The following KCNQ1 variants were observed in gnomAD, a reference collection of about 807,000 sequenced individuals.
KCNQ1 encodes potassium voltage-gated channel subfamily Q member 1, also known as potassium voltage-gated channel subfamily KQT member 1.
Under a neutral mutation model 72.4 loss-of-function variants are expected in KCNQ1, and 49 were observed. The observed-to-expected ratio is 0.68, with a 90% CI of 0.54 to 0.86. The LOEUF is 0.86. Ranked by LOEUF, KCNQ1 falls within the 40% of genes least tolerant of loss-of-function variation. KCNQ1 has a pLI of 0.00. For missense variants in KCNQ1, 790 were observed against 945.1 expected (o/e 0.84, Z 2.15); for synonymous variants, 450 against 412.6 (o/e 1.09, Z -1.10).
In KCNQ1 at chr11:2,623,560, A is replaced by G. The variant is rs1028198476; in HGVS notation, c.1393+34706A>G. 9 of 398,548 alleles carry G rather than the reference A, an allele frequency of 2.3e-5. No homozygotes were observed. The East Asian group carries it at 2.9e-4, about 13-fold the overall frequency. The allele number at this position is 398,548 out of a possible 1,614,324, so 24.7% of individuals were successfully genotyped here. A position where few individuals can be genotyped will look rare whatever the true frequency, so the allele number is the denominator to read the frequency against. On this transcript the variant is annotated intron_variant, in intron 10 of 15. Transcript: ENST00000155840. The surrounding 1 kb of genome is among the most constrained non-coding windows in gnomAD (Gnocchi z 5.2). ...AGATTGCCTTATTTCACATAGTAAT[A>G]TGTTTTTTAATTACCTCCATATCTT... is the stretch of plus-strand genomic sequence containing the variant.
At chr11:2,587,817 C>G in intron 9 of KCNQ1, 125 bp downstream of exon 9, 1 of 1,367,278 alleles carries the variant, frequency 7.3e-7, no homozygotes. Flanking sequence ...GTCAGGGAGT[C>G]AGCATCGTTC....
chr11:2,666,482 T>C (rs1850070134), intron 11 of KCNQ1: 4 of 398,580 alleles, frequency 1.0e-5, no homozygotes. Context: ...CGCCAAGACA[T>C]TCGAGTTGCT....
rs886048174 is a variant in KCNQ1, at chr11:2,848,655, G to A, written c.*652G>A. 2.7e-5 allele frequency: 12 copies of A among 451,288 alleles called. No individual in the cohort carries two copies. The highest frequency in any genetic ancestry group is 7.1e-5 in the Admixed American group (3 of 42,514). The allele number at this position is 451,288 out of a possible 1,614,324, so 28.0% of individuals were successfully genotyped here. ...GGGCACGTGGTTGAGTGGGGGGAAC[G>A]CCCACTTCCCTGGGTTAGACTGCCA... On this transcript the variant is annotated 3_prime_UTR_variant, in exon 16 of 16. Transcript: ENST00000155840.
chr11:2,625,603 G>A, intron 10 of KCNQ1: 1 of 384,832 alleles, frequency 2.6e-6, no homozygotes, highest in Non-Finnish European at 4.5e-6. Flanking sequence ...TTGAGATGGA[G>A]TCTCACTCTG....
rs958722221 is a variant in KCNQ1, at chr11:2,745,819, A to G, written c.1515-23025A>G. On this transcript the variant is annotated intron_variant, in intron 11 of 15. Coordinates refer to ENST00000155840, the MANE Select transcript of KCNQ1 (RefSeq NM_000218.3). This position sits in a 1 kb window ranked among gnomAD's most constrained non-coding sequence, Gnocchi z 6.2. ...GCCTGAGCCCGGGGCCAGGACCAGG[A>G]GCAGGCGGCAGCAGCAAGGCAGCTC... 1.4e-4 allele frequency among the ~76,000 whole-genome samples: 21 copies of G among 152,348 alleles called. No homozygotes were observed. The highest frequency in any genetic ancestry group is 5.1e-4 in the African/African-American group (21 of 41,580).
At chr11:2,460,778 G>A (rs1174280701) in intron 1 of KCNQ1, among the ~76,000 whole-genome samples, 1 of 152,244 alleles carries the variant, frequency 6.6e-6, no homozygotes, top group Admixed American at 6.5e-5. Flanking sequence ...TGGTAGGTGT[G>A]TCTCCACAGT....
In KCNQ1 at chr11:2,747,265, A is replaced by G. The variant is rs140643643; in HGVS notation, c.1515-21579A>G. On this transcript the variant is annotated intron_variant, in intron 11 of 15. Coordinates refer to ENST00000155840, the MANE Select transcript of KCNQ1 (RefSeq NM_000218.3). The stretch of plus-strand genomic sequence containing the variant: ...AAGCCCCAATTTATTAGTCTTCTCC[A>G]ATGGGGACTGTGCAAAGGACATTAA... Among the ~76,000 whole-genome samples, 785 of 152,392 alleles carry G rather than the reference A, an allele frequency of 5.2e-3. 5 individuals are homozygous for G. Among genetic ancestry groups the G allele is most frequent in the African/African-American group, 0.018 (752 of 41,596 alleles).
At chr11:2,540,068 A>C (rs1847799282) in intron 2 of KCNQ1, among the ~76,000 whole-genome samples, 1 of 152,004 alleles carries the variant, frequency 6.6e-6, no homozygotes, top group South Asian at 2.1e-4. Context: ...CTGCTAGGGA[A>C]GTCATTGGGG....
rs189157939 is a variant in KCNQ1, at chr11:2,627,465, C to T, written c.1394-34496C>T. The T allele has an allele frequency of 4.0e-5, 16 of 398,494 alleles. No individual in the cohort carries two copies. The East Asian group carries it at 5.3e-4, about 13-fold the overall frequency. 24.7% of individuals were successfully genotyped at this position (398,494 alleles called of 1,614,324 possible). A position where few individuals can be genotyped will look rare whatever the true frequency, so the allele number is the denominator to read the frequency against. ...TCAACATTTCCTATTTCCCCTACTC[C>T]CTGACCCCTAGTAACCACCCTTCTA... is the stretch of plus-strand genomic sequence containing the variant. On this transcript the variant is annotated intron_variant, in intron 10 of 15. Transcript: ENST00000155840. The surrounding 1 kb of genome is among the most constrained non-coding windows in gnomAD (Gnocchi z 4.9).
chr11:2,650,815 T>C (rs978311746), intron 10 of KCNQ1: 1 of 398,538 alleles, frequency 2.5e-6, no homozygotes, highest in Non-Finnish European at 4.4e-6. Context: ...CATGTGGTTT[T>C]ATTTGCACTT....
intron 2 of KCNQ1, among the ~76,000 whole-genome samples, chr11:2,539,106 G>A (rs1847781760): frequency 6.6e-6 from 1 of 152,170 alleles, no homozygotes; most frequent in African/African-American, 2.4e-5. Context: ...ATGAGTGGAT[G>A]ATGTCCCGTC....
chr11:2,833,534 C>A (rs1242878429), intron 15 of KCNQ1, among the ~76,000 whole-genome samples: 1 of 152,230 alleles, frequency 6.6e-6, no homozygotes, highest in African/African-American at 2.4e-5. Context: ...GGGCAGGGGT[C>A]CCCGAGCATC....
intron 11 of KCNQ1, among the ~76,000 whole-genome samples, chr11:2,760,027 G>A (rs566774654): frequency 2.4e-4 from 36 of 152,332 alleles, no homozygotes; most frequent in African/African-American, 7.0e-4. Flanking sequence ...AGCCCAGTCC[G>A]GGAAACTTCC....
chr11:2,537,742 A>T lies in KCNQ1; in HGVS notation c.477+9724A>T, dbSNP rs1042396775. Among the ~76,000 whole-genome samples the T allele has an allele frequency of 6.6e-6, 1 of 150,376 alleles. No homozygotes were observed. The highest frequency in any genetic ancestry group is 2.5e-5 in the African/African-American group (1 of 39,988). On this transcript the variant is annotated intron_variant, in intron 2 of 15. Transcript: ENST00000155840. The surrounding 1 kb of genome is among the most constrained non-coding windows in gnomAD (Gnocchi z 5.2). The stretch of plus-strand genomic sequence containing the variant: ...TTATTTTTATTTTTTTGAGAGAGAG[A>T]GGGTCTTGCTGTGTTGCCCAGGTTG...
In KCNQ1 at chr11:2,659,948, C is replaced by T. The variant is rs1450569593; in HGVS notation, c.1394-2013C>T. Reference sequence around the variant, plus strand: ...ATATATTCTGAGTGCAAGTCCTTGACCTGATAGGTGATATGCAAATATTCT... The same window carrying T: ...ATATATTCTGAGTGCAAGTCCTTGATCTGATAGGTGATATGCAAATATTCT... On this transcript the variant is annotated intron_variant, in intron 10 of 15. Transcript: ENST00000155840. This position sits in a 1 kb window ranked among gnomAD's most constrained non-coding sequence, Gnocchi z 4.3. 2.5e-6 allele frequency: 1 copy of T among 398,276 alleles called. No homozygotes were observed. The highest frequency in any genetic ancestry group is 2.1e-5 in the African/African-American group (1 of 48,596). The allele number at this position is 398,276 out of a possible 1,614,324, so 24.7% of individuals were successfully genotyped here.
At chr11:2,569,865 G>A (rs547037237) in intron 2 of KCNQ1, among the ~76,000 whole-genome samples, 1 of 152,208 alleles carries the variant, frequency 6.6e-6, no homozygotes, top group Non-Finnish European at 1.5e-5. Context: ...TGTGCCTAGG[G>A]GGTGGGATCC....
At position 2,722,499 on chromosome 11, in the gene KCNQ1, C is replaced by G. The variant is rs563010940; in HGVS notation, c.1515-46345C>G. Among the ~76,000 whole-genome samples the G allele has an allele frequency of 4.6e-5, 7 of 152,134 alleles. 1 individual carries two copies. Among genetic ancestry groups the G allele is most frequent in the African/African-American group, 1.7e-4 (7 of 41,508 alleles). On this transcript the variant is annotated intron_variant, in intron 11 of 15. Transcript: ENST00000155840. ...CGGGAAGGTGGAGGCTTGGTCACCC[C>G]CAGGAGGAGCTTTTTCTAAGGAAGG...
At chr11:2,496,466 A>T (rs930574588) in intron 1 of KCNQ1, among the ~76,000 whole-genome samples, 7 of 141,106 alleles carry the variant, frequency 5.0e-5, no homozygotes, top group South Asian at 2.3e-4. Context: ...AAATAAAATT[A>T]AAAAAAATGG....
In KCNQ1 at chr11:2,664,531, C is replaced by T. The variant is rs534577047; in HGVS notation, c.1514+2450C>T. Reference sequence around the variant, plus strand: ...CACCCTGTTTCCTCAGGGCCCAAACCGCCTGGCGGCAGGGGTGTGGGGGCC... The same window carrying T: ...CACCCTGTTTCCTCAGGGCCCAAACTGCCTGGCGGCAGGGGTGTGGGGGCC... On this transcript the variant is annotated intron_variant, in intron 11 of 15. Coordinates refer to ENST00000155840, the MANE Select transcript of KCNQ1 (RefSeq NM_000218.3). The surrounding 1 kb of genome is among the most constrained non-coding windows in gnomAD (Gnocchi z 5.1). 2.0e-5 allele frequency: 8 copies of T among 398,758 alleles called. No individual in the cohort carries two copies. Among genetic ancestry groups the T allele is most frequent in the South Asian group, 1.3e-4 (1 of 7,862 alleles). 24.7% of individuals were successfully genotyped at this position (398,758 alleles called of 1,614,324 possible).
Sources: allele counts gnomAD v4.1 joint callset (sites outside exome capture counted in the v4.1 genomes callset), GRCh38; gene constraint gnomAD v4.1.1; non-coding constraint Gnocchi (gnomAD v3.1); transcripts MANE v1.5; gene names NCBI Gene and HGNC (gene_info 2026-07-23, HGNC 2026-07-21).